MAP3K20: variants seen among roughly 807,000 people sequenced by gnomAD.
The protein encoded by MAP3K20 is HCCS-4.
Under a neutral mutation model 85.7 loss-of-function variants are expected in MAP3K20, and 40 were observed. The ratio of observed to expected loss-of-function variants is 0.47; its 90% confidence interval spans 0.36 to 0.61. MAP3K20 has a LOEUF of 0.61. Ranked by LOEUF, MAP3K20 falls within the 20% of genes least tolerant of loss-of-function variation. The probability of loss-of-function intolerance (pLI) is 0.00; values close to 1 mark genes in which losing one functional copy is unlikely to be tolerated. For synonymous variants in MAP3K20, 325 were observed against 327.7 expected (o/e 0.99, Z 0.09); for missense variants, 817 against 961.7 (o/e 0.85, Z 1.99).
chr2:173,224,495 A>G (rs933012797), intron 11 of MAP3K20: 58 of 985,282 alleles, frequency 5.9e-5, no homozygotes, highest in Non-Finnish European at 6.4e-5. Context: ...TTTATCATTA[A>G]TTAGGTAATA....
chr2:173,093,848 A>G (rs1026966105), intron 2 of MAP3K20, among the ~76,000 whole-genome samples: 1 of 152,034 alleles, frequency 6.6e-6, no homozygotes, highest in Non-Finnish European at 1.5e-5. Context: ...AGGGACAAGG[A>G]TGAAATTGGA....
chr2:173,104,872 C>G (rs1176082099), intron 2 of MAP3K20, among the ~76,000 whole-genome samples: 1 of 152,014 alleles, frequency 6.6e-6, no homozygotes, highest in Non-Finnish European at 1.5e-5. Context: ...GGGAGGGAAC[C>G]AAGCATGGGG....
chr2:173,204,188 G>GA (rs2106293464), intron 9 of MAP3K20, among the ~76,000 whole-genome samples: 1 of 152,262 alleles, frequency 6.6e-6, no homozygotes, highest in African/African-American at 2.4e-5. Context: ...ACAGTACTTA[G>GA]AATATGCCAG....
chr2:173,112,337 A>G (rs1234959465), intron 2 of MAP3K20, among the ~76,000 whole-genome samples: 1 of 152,204 alleles, frequency 6.6e-6, no homozygotes, highest in East Asian at 1.9e-4. Context: ...AAGGTAAACA[A>G]TCATATCATC....
chr2:173,083,100 C>A (rs1305459893), intron 1 of MAP3K20, among the ~76,000 whole-genome samples: 1 of 152,188 alleles, frequency 6.6e-6, no homozygotes, highest in East Asian at 1.9e-4. Context: ...TAGAGAGTTA[C>A]ATTACTTTTA....
chr2:173,121,046 A>C (rs191331348), intron 2 of MAP3K20, among the ~76,000 whole-genome samples: 78 of 152,238 alleles, frequency 5.1e-4, no homozygotes, highest in African/African-American at 1.9e-3. Flanking sequence ...TACCAAATCC[A>C]TGTATTCTGT....
intron 11 of MAP3K20, chr2:173,221,158 G>T: frequency 2.0e-6 from 3 of 1,503,830 alleles, no homozygotes; most frequent in South Asian, 1.4e-5. Flanking sequence ...AGCTTCTCTT[G>T]CCTCTTGCTG....
Position 173,203,831 on chromosome 2 carries a change from T to C in MAP3K20, c.705T>C (p.Phe235=). ...LTIPSSCPRS[F]AELLHQCWEA... The stretch of plus-strand genomic sequence containing the variant: ...TTCCAAGCAGTTGCCCCAGAAGTTT[T>C]GCTGAACTGTTACATCAGTGTTGGG... Residue 235 remains phenylalanine, a synonymous_variant, in exon 9 of 20, where the codon TTT becomes TTC. Coordinates refer to ENST00000375213, the MANE Select transcript of MAP3K20 (RefSeq NM_016653.3). 34 of 1,613,988 alleles carry C rather than the reference T, an allele frequency of 2.1e-5. No homozygotes were observed. The highest frequency in any genetic ancestry group is 2.8e-5 in the Non-Finnish European group (33 of 1,179,922).
intron 2 of MAP3K20, among the ~76,000 whole-genome samples, chr2:173,146,660 A>G (rs185939478): frequency 1.4e-4 from 22 of 152,334 alleles, no homozygotes; most frequent in African/African-American, 5.3e-4. Context: ...ATTTAAAACC[A>G]TGTGGTCTTT....
At chr2:173,181,015 A>G (rs998391007) in intron 3 of MAP3K20, among the ~76,000 whole-genome samples, 1 of 152,322 alleles carries the variant, frequency 6.6e-6, no homozygotes, top group Non-Finnish European at 1.5e-5. Context: ...TGTATCTAGA[A>G]CTAAAAAAAA....
At chr2:173,203,737 C>G in intron 8 of MAP3K20, 59 bp from the exon 9 acceptor site, 1 of 1,328,394 alleles carries the variant, frequency 7.5e-7, no homozygotes, top group Non-Finnish European at 1.1e-6. Context: ...ACGGTGTTTG[C>G]TGACATTAAT....
At chr2:173,226,657 A>C in intron 11 of MAP3K20, 1 of 985,878 alleles carries the variant, frequency 1.0e-6, no homozygotes, top group Non-Finnish European at 1.2e-6. Flanking sequence ...GCTTTCTGGC[A>C]TGTGATTATT....
chr2:173,194,497 G>A (rs1690761553), intron 7 of MAP3K20, among the ~76,000 whole-genome samples: 1 of 152,094 alleles, frequency 6.6e-6, no homozygotes, highest in Non-Finnish European at 1.5e-5. Flanking sequence ...AAGAGCAGGT[G>A]AGGATAGTTG....
chr2:173,151,449 C>T (rs1019437027), intron 2 of MAP3K20, among the ~76,000 whole-genome samples: 2 of 152,144 alleles, frequency 1.3e-5, no homozygotes, highest in Non-Finnish European at 2.9e-5. Context: ...CCAAGTCACA[C>T]AGTCATTCAG....
intron 2 of MAP3K20, among the ~76,000 whole-genome samples, chr2:173,097,823 T>C (rs917232861): frequency 6.6e-6 from 1 of 152,178 alleles, no homozygotes; most frequent in African/African-American, 2.4e-5. Context: ...ATAGGAAATA[T>C]AATCTTGAAA....
At chr2:173,166,600 A>G (rs1689830076) in intron 2 of MAP3K20, 1 of 149,580 alleles carries the variant, frequency 6.7e-6, no homozygotes, top group Admixed American at 6.6e-5. Flanking sequence ...CAATTTTTCA[A>G]TTAAACAAAA....
chr2:173,077,226 C>T (rs201113245), intron 1 of MAP3K20, among the ~76,000 whole-genome samples: 2 of 152,180 alleles, frequency 1.3e-5, no homozygotes, highest in South Asian at 2.1e-4. Flanking sequence ...CTTGCTTCCT[C>T]GACCTTCGTT....
chr2:173,254,830 A>G (rs974153303), intron 16 of MAP3K20, among the ~76,000 whole-genome samples: 4 of 152,218 alleles, frequency 2.6e-5, no homozygotes, highest in Admixed American at 2.0e-4. Flanking sequence ...TTTGTGGATT[A>G]CTTTTGTTAA....
chr2:173,245,994 CT>C (rs1401053435), intron 16 of MAP3K20, among the ~76,000 whole-genome samples: 2 of 152,220 alleles, frequency 1.3e-5, no homozygotes, highest in Non-Finnish European at 2.9e-5. Flanking sequence ...GACAATCAAA[CT>C]GGCAGAAATT....
Sources: gnomAD v4.1 joint callset for allele counts (sites outside exome capture counted in the v4.1 genomes callset) on GRCh38, gnomAD v4.1.1 for gene constraint, MANE v1.5 for transcripts, NCBI Gene and HGNC (gene_info 2026-07-23, HGNC 2026-07-21) for gene names.